Variants in SLC35F3 observed in about 807,000 individuals in gnomAD.
The protein encoded by SLC35F3 is solute carrier family 35 member F3.
In SLC35F3, 25 loss-of-function variants were observed where a neutral mutation model predicts 49.9. The observed-to-expected ratio is 0.50, with a 90% CI of 0.37 to 0.70. SLC35F3 has a LOEUF of 0.70. SLC35F3 is among the 30% of genes least tolerant of loss of function. The pLI is 0.00. For missense variants in SLC35F3, 525 were observed against 639.8 expected, an observed-to-expected ratio of 0.82 and a Z score of 1.94; for synonymous variants, 275 against 265.4, an observed-to-expected ratio of 1.04 and a Z score of -0.35.
chr1:233,919,489 G>A (rs999492050), intron 2 of SLC35F3, among the ~76,000 whole-genome samples: 1 of 152,040 alleles, frequency 6.6e-6, no homozygotes, highest in African/African-American at 2.4e-5. Flanking sequence ...TTAGACTTCT[G>A]GTTCATTTCT....
At position 233,923,399 on chromosome 1, in the gene SLC35F3, C is replaced by T. The variant is rs112820003; in HGVS notation, c.283+17641C>T. ...GTTGTATTCCTAGGTATTTTATTCT[C>T]TTTGAAGCAATTGTGAATGGGAGTT... On this transcript the variant is annotated intron_variant, in intron 2 of 7. Coordinates refer to ENST00000366618, the MANE Select transcript of SLC35F3 (RefSeq NM_173508.4). Among the ~76,000 whole-genome samples the T allele has an allele frequency of 5.9e-5, 9 of 152,238 alleles. 1 individual carries two copies. The highest frequency in any genetic ancestry group is 2.2e-4 in the African/African-American group (9 of 41,534).
intron 2 of SLC35F3, among the ~76,000 whole-genome samples, chr1:233,921,173 G>T (rs1662052224): frequency 1.3e-5 from 2 of 152,188 alleles, no homozygotes; most frequent in Admixed American, 1.3e-4. Flanking sequence ...CAAAGGAAAT[G>T]AATAAATTCT....
intron 2 of SLC35F3, among the ~76,000 whole-genome samples, chr1:233,958,361 A>G (rs1457620784): frequency 6.6e-6 from 1 of 151,894 alleles, no homozygotes; most frequent in East Asian, 1.9e-4. Context: ...TGCCTTTCTC[A>G]CTCTTTTTCC....
At chr1:234,034,081 A>G (rs1664105438) in intron 2 of SLC35F3, among the ~76,000 whole-genome samples, 1 of 152,158 alleles carries the variant, frequency 6.6e-6, no homozygotes, top group African/African-American at 2.4e-5. Flanking sequence ...CGCCTTGGTT[A>G]GGTATATTCC....
chr1:233,989,643 T>C (rs981711058), intron 2 of SLC35F3, among the ~76,000 whole-genome samples: 1 of 152,102 alleles, frequency 6.6e-6, no homozygotes, highest in Non-Finnish European at 1.5e-5. Flanking sequence ...TATATGAATA[T>C]TTTCACTGAA....
intron 2 of SLC35F3, among the ~76,000 whole-genome samples, chr1:234,201,578 AG>A (rs2102934691): frequency 6.6e-6 from 1 of 152,352 alleles, no homozygotes; most frequent in South Asian, 2.1e-4. Context: ...TGCTATCAAT[AG>A]AGCATTTAAT....
At chr1:234,175,915 G>A (rs1043006946) in intron 2 of SLC35F3, among the ~76,000 whole-genome samples, 1 of 152,158 alleles carries the variant, frequency 6.6e-6, no homozygotes, top group Non-Finnish European at 1.5e-5. Context: ...CTCCTTATGA[G>A]TGTTGGGTCC....
chr1:233,934,172 A>T (rs938915115), intron 2 of SLC35F3, among the ~76,000 whole-genome samples: 1 of 152,206 alleles, frequency 6.6e-6, no homozygotes, highest in African/African-American at 2.4e-5. Context: ...TCAGGCTATG[A>T]ACCGGATGCA....
intron 2 of SLC35F3, among the ~76,000 whole-genome samples, chr1:234,020,690 A>G (rs576579560): frequency 2.6e-5 from 4 of 152,314 alleles, no homozygotes; most frequent in African/African-American, 9.6e-5. Context: ...TCAGTGCTAC[A>G]GAATTTGTGT....
chr1:234,166,920 C>T (rs1666330844), intron 2 of SLC35F3, among the ~76,000 whole-genome samples: 1 of 152,194 alleles, frequency 6.6e-6, no homozygotes, highest in Admixed American at 6.5e-5. Context: ...ATGAGGCTTC[C>T]ATTGTCATTC....
chr1:234,100,945 C>A (rs1665205176), intron 2 of SLC35F3, among the ~76,000 whole-genome samples: 1 of 152,164 alleles, frequency 6.6e-6, no homozygotes. Flanking sequence ...GGTGATCCAC[C>A]TCATCAGCCT....
At chr1:234,190,346 A>C (rs1666712670) in intron 2 of SLC35F3, among the ~76,000 whole-genome samples, 1 of 152,254 alleles carries the variant, frequency 6.6e-6, no homozygotes, top group Non-Finnish European at 1.5e-5. Flanking sequence ...ATAAGGACTC[A>C]CATAAACTTA....
chr1:234,285,547 A>T (rs937629013), intron 3 of SLC35F3: 9 of 320,146 alleles, frequency 2.8e-5, no homozygotes, highest in Non-Finnish European at 4.3e-5. Flanking sequence ...GATGAATATG[A>T]TCTAAGAGTT....
chr1:233,921,119 A>C (rs917076901), intron 2 of SLC35F3, among the ~76,000 whole-genome samples: 1 of 152,284 alleles, frequency 6.6e-6, no homozygotes, highest in Non-Finnish European at 1.5e-5. Context: ...TCAAAGAAGC[A>C]GAACCACAAG....
chr1:234,030,147 T>A (rs541699614), intron 2 of SLC35F3, among the ~76,000 whole-genome samples: 3 of 152,192 alleles, frequency 2.0e-5, no homozygotes, highest in Non-Finnish European at 4.4e-5. Context: ...CAATATTATC[T>A]TTCACATAAA....
At chr1:234,038,093 C>T (rs532879797) in intron 2 of SLC35F3, among the ~76,000 whole-genome samples, 5 of 151,088 alleles carry the variant, frequency 3.3e-5, no homozygotes, top group African/African-American at 4.9e-5. Context: ...AGGTATATCT[C>T]CTAATGCTAT....
intron 2 of SLC35F3, among the ~76,000 whole-genome samples, chr1:233,950,182 C>T (rs1459174349): frequency 1.3e-5 from 2 of 151,662 alleles, no homozygotes; most frequent in East Asian, 3.9e-4. Context: ...GTCAGGAGAT[C>T]GAAACCATCC....
intron 3 of SLC35F3, among the ~76,000 whole-genome samples, chr1:234,307,111 C>G (rs569034269): frequency 2.2e-4 from 34 of 152,300 alleles, no homozygotes; most frequent in South Asian, 2.1e-3. Context: ...ACAGACTGTT[C>G]TGCAAACAGG....
chr1:233,981,064 A>G (rs1478214839), intron 2 of SLC35F3, among the ~76,000 whole-genome samples: 2 of 152,252 alleles, frequency 1.3e-5, no homozygotes, highest in Non-Finnish European at 2.9e-5. Flanking sequence ...GGAAAGATAC[A>G]GAAAGAACAG....
Sources: gnomAD v4.1 joint callset for allele counts (sites outside exome capture counted in the v4.1 genomes callset) on GRCh38, gnomAD v4.1.1 for gene constraint, MANE v1.5 for transcripts, NCBI Gene and HGNC (gene_info 2026-07-23, HGNC 2026-07-21) for gene names.